KCNN2: variants seen among roughly 807,000 people sequenced by gnomAD.
The protein encoded by KCNN2 is small conductance calcium-activated potassium channel protein 2.
Under a neutral mutation model 55.5 loss-of-function variants are expected in KCNN2, and 24 were observed. The observed-to-expected ratio is 0.43, with a 90% confidence interval of 0.31 to 0.61. The LOEUF (loss-of-function observed/expected upper bound fraction) is 0.61. KCNN2 is among the 20% of genes least tolerant of loss of function. KCNN2 has a pLI of 0.08. For missense variants in KCNN2, 754 were observed against 853.6 expected (o/e 0.88, Z 1.45); for synonymous variants, 431 against 336.1 (o/e 1.28, Z -3.09).
intron 2 of KCNN2, among the ~76,000 whole-genome samples, chr5:114,271,189 C>G (rs929322985): frequency 8.6e-5 from 13 of 152,020 alleles, no homozygotes; most frequent in African/African-American, 2.7e-4. Context: ...CTGATTCGTG[C>G]GTTTACAAAC....
At chr5:114,486,771 A>C in intron 5 of KCNN2, 2 of 1,322,716 alleles carry the variant, frequency 1.5e-6, no homozygotes, top group South Asian at 2.6e-5. Flanking sequence ...AAAAAAAAAA[A>C]ATAGTTGAAT....
chr5:114,155,405 G>A (rs1157737672), intron 1 of KCNN2, among the ~76,000 whole-genome samples: 2 of 152,098 alleles, frequency 1.3e-5, no homozygotes, highest in Non-Finnish European at 2.9e-5. Flanking sequence ...TGTATACCCG[G>A]TAATGAGATT....
intron 2 of KCNN2, among the ~76,000 whole-genome samples, chr5:114,237,738 A>G (rs557075529): frequency 6.6e-6 from 1 of 152,298 alleles, no homozygotes; most frequent in South Asian, 2.1e-4. Flanking sequence ...TATTTATGGT[A>G]ATTAATGCTA....
At chr5:114,488,652 C>G (rs929306241) in intron 6 of KCNN2, among the ~76,000 whole-genome samples, 1 of 152,094 alleles carries the variant, frequency 6.6e-6, no homozygotes, top group Non-Finnish European at 1.5e-5. Flanking sequence ...GCTGAGCTTT[C>G]GCCTCTGTGT....
chr5:114,133,681 C>T (rs932359109), intron 1 of KCNN2, among the ~76,000 whole-genome samples: 3 of 152,100 alleles, frequency 2.0e-5, no homozygotes, highest in African/African-American at 7.2e-5. Flanking sequence ...CTAGAGTTAG[C>T]TAAAAGCAAT....
At chr5:114,094,480 T>C (rs1580506805) in intron 1 of KCNN2, among the ~76,000 whole-genome samples, 1 of 152,248 alleles carries the variant, frequency 6.6e-6, no homozygotes, top group East Asian at 1.9e-4. Flanking sequence ...CTGGCCTTCA[T>C]GTCCCTAGAC....
intron 1 of KCNN2, among the ~76,000 whole-genome samples, chr5:114,163,902 T>C (rs1176786093): frequency 7.1e-6 from 1 of 140,930 alleles, no homozygotes; most frequent in Non-Finnish European, 1.5e-5. Flanking sequence ...GAGATATTGA[T>C]GAGAAATTAG....
intron 2 of KCNN2, among the ~76,000 whole-genome samples, chr5:114,337,809 C>A (rs1368511945): frequency 6.6e-6 from 1 of 152,132 alleles, no homozygotes; most frequent in Non-Finnish European, 1.5e-5. Flanking sequence ...TAACTTCGGT[C>A]CAACTAGTTT....
intron 1 of KCNN2, among the ~76,000 whole-genome samples, chr5:114,150,573 C>A (rs1056243940): frequency 6.6e-6 from 1 of 152,182 alleles, no homozygotes; most frequent in Non-Finnish European, 1.5e-5. Flanking sequence ...AGCCTTTGGT[C>A]CACTGGCCAG....
chr5:114,128,043 A>G (rs1329386751), intron 1 of KCNN2, among the ~76,000 whole-genome samples: 1 of 152,172 alleles, frequency 6.6e-6, no homozygotes, highest in Non-Finnish European at 1.5e-5. Context: ...AAACTGTCCC[A>G]CATCTTCCTG....
chr5:114,087,395 T>C (rs1354844287), intron 1 of KCNN2, among the ~76,000 whole-genome samples: 1 of 152,184 alleles, frequency 6.6e-6, no homozygotes, highest in Non-Finnish European at 1.5e-5. Flanking sequence ...TCTTCTAGGA[T>C]TCTTATAGTT....
At chr5:114,472,934 T>C (rs544860716) in intron 4 of KCNN2, 120 bp from the exon 5 acceptor site, 16 of 570,430 alleles carry the variant, frequency 2.8e-5, no homozygotes, top group South Asian at 2.5e-4. Flanking sequence ...GTAATACTTA[T>C]TGAAGACAAT....
chr5:114,139,379 T>G (rs190094201), intron 1 of KCNN2, among the ~76,000 whole-genome samples: 1 of 152,060 alleles, frequency 6.6e-6, no homozygotes, highest in Admixed American at 6.6e-5. Context: ...CACAGAAGTC[T>G]GAAATTGGTC....
At chr5:114,449,908 A>ACACACACACACACACACACACACGCG (rs1309590184) in intron 3 of KCNN2, among the ~76,000 whole-genome samples, 1 of 66,120 alleles carries the variant, frequency 1.5e-5, no homozygotes, top group African/African-American at 3.5e-5. Flanking sequence ...ACACACACAC[A>ACACACACACACACACACACACACGCG]CGCGCGCGCT....
At chr5:114,312,359 A>C (rs998186059) in intron 2 of KCNN2, among the ~76,000 whole-genome samples, 2 of 143,454 alleles carry the variant, frequency 1.4e-5, no homozygotes, top group African/African-American at 5.2e-5. Context: ...TTCTCCTTTG[A>C]TTCATCCTGT....
At chr5:114,477,075 A>C (rs1436372663) in intron 5 of KCNN2, among the ~76,000 whole-genome samples, 1 of 152,240 alleles carries the variant, frequency 6.6e-6, no homozygotes, top group Non-Finnish European at 1.5e-5. Context: ...CTAGTAACTA[A>C]GATACAAACT....
At chr5:114,208,094 T>C (rs1352649876) in intron 1 of KCNN2, among the ~76,000 whole-genome samples, 1 of 152,144 alleles carries the variant, frequency 6.6e-6, no homozygotes, top group Non-Finnish European at 1.5e-5. Context: ...GCTCAGGAAT[T>C]AAAACACAAG....
At chr5:114,371,493 C>T (rs1423311529) in intron 2 of KCNN2, among the ~76,000 whole-genome samples, 4 of 152,056 alleles carry the variant, frequency 2.6e-5, no homozygotes, top group Non-Finnish European at 4.4e-5. Context: ...GCATAGCACT[C>T]TATATTGAAT....
chr5:114,169,728 A>G (rs1287593337), intron 1 of KCNN2, among the ~76,000 whole-genome samples: 1 of 152,072 alleles, frequency 6.6e-6, no homozygotes, highest in Admixed American at 6.6e-5. Context: ...GATGTTGAAC[A>G]AGGACATAGA....
Sources: gnomAD v4.1 joint callset for allele counts (sites outside exome capture counted in the v4.1 genomes callset) on GRCh38, gnomAD v4.1.1 for gene constraint, MANE v1.5 for transcripts, NCBI Gene and HGNC (gene_info 2026-07-23, HGNC 2026-07-21) for gene names.